The following CRISPLD1 variants were observed in gnomAD, a reference collection of about 807,000 sequenced individuals.
CRISPLD1 encodes the protein cysteine rich secretory protein LCCL domain containing 1, also known as cysteine-rich secretory protein LCCL domain-containing 1.
CRISPLD1 carries 60 observed loss-of-function variants against 77.5 expected under a neutral mutation model. That is an observed-to-expected ratio of 0.77 (90% CI 0.63 to 0.96). CRISPLD1 has a LOEUF of 0.96. Ranked by LOEUF, CRISPLD1 falls within the 40% of genes least tolerant of loss-of-function variation. CRISPLD1 has a pLI of 0.00. For synonymous variants in CRISPLD1, 195 were observed against 200.1 expected (o/e 0.97, Z 0.22); for missense variants, 623 against 615.8 (o/e 1.01, Z -0.12).
chr8:75,014,988 A>G (rs1035034398), intron 6 of CRISPLD1, 76 bp downstream of exon 6: 9 of 915,398 alleles, frequency 9.8e-6, no homozygotes, highest in Non-Finnish European at 1.4e-5. Context: ...TGTTTAAAAA[A>G]GCCAGAAGTG....
chr8:75,012,611 T>G, intron 3 of CRISPLD1, 60 bp downstream of exon 3: 1 of 1,144,788 alleles, frequency 8.7e-7, no homozygotes, highest in Non-Finnish European at 1.3e-6. Flanking sequence ...GAAGTCCTTA[T>G]TAATTCATCA....
At chr8:75,013,539 G>T (rs933512488) in intron 4 of CRISPLD1, among the ~76,000 whole-genome samples, 7 of 152,088 alleles carry the variant, frequency 4.6e-5, no homozygotes. Flanking sequence ...CATGTGATAA[G>T]ATTGACCAGC....
At chr8:75,019,768 A>C in intron 10 of CRISPLD1, 102 bp from the exon 11 acceptor site, 1 of 875,420 alleles carries the variant, frequency 1.1e-6, no homozygotes, top group East Asian at 2.5e-5. Context: ...GTAAGTGTTT[A>C]AAAAGAAAAT....
chr8:75,012,815 A>C, intron 3 of CRISPLD1, 75 bp from the exon 4 acceptor site: 1 of 1,492,408 alleles, frequency 6.7e-7, no homozygotes, highest in South Asian at 1.3e-5. Flanking sequence ...AAATTATACC[A>C]ATGTATTTTG....
intron 2 of CRISPLD1, among the ~76,000 whole-genome samples, chr8:74,990,823 A>T (rs1321708892): frequency 6.6e-6 from 1 of 151,688 alleles, no homozygotes; most frequent in Non-Finnish European, 1.5e-5. Flanking sequence ...TTTTTACCAT[A>T]CATTTCCATA....
At chr8:74,996,572 G>A (rs183743573) in intron 2 of CRISPLD1, among the ~76,000 whole-genome samples, 1 of 152,044 alleles carries the variant, frequency 6.6e-6, no homozygotes, top group East Asian at 1.9e-4. Context: ...ATTCTAGGCA[G>A]GAGAAATACT....
intron 2 of CRISPLD1, among the ~76,000 whole-genome samples, chr8:74,997,721 G>A (rs1812667507): frequency 6.6e-6 from 1 of 152,112 alleles, no homozygotes; most frequent in Non-Finnish European, 1.5e-5. Context: ...GGAAAGGATA[G>A]GATAGGCTGG....
chr8:75,025,268 A>G (rs1813211471), intron 12 of CRISPLD1, among the ~76,000 whole-genome samples: 2 of 152,174 alleles, frequency 1.3e-5, no homozygotes, highest in Admixed American at 1.3e-4. Flanking sequence ...TCTCAGATAC[A>G]TTGAGATGCT....
intron 14 of CRISPLD1, among the ~76,000 whole-genome samples, chr8:75,030,194 A>G (rs1001157890): frequency 1.3e-5 from 2 of 152,176 alleles, no homozygotes; most frequent in African/African-American, 4.8e-5. Flanking sequence ...TAACTTTTAG[A>G]TATTTCCTGG....
chr8:75,017,354 G>A lies in CRISPLD1; in HGVS notation c.1031G>A (p.Gly344Asp). 1 of 1,610,996 alleles carries A rather than the reference G, an allele frequency of 6.2e-7. No individual in the cohort carries two copies. Among genetic ancestry groups the A allele is most frequent in the South Asian group, 1.1e-5 (1 of 90,300 alleles). ...ATCTGTAGAGCTGCAATTCATTATG[G>A]TATAATAGACAATGATGGTGGCTGG... Reference protein sequence around the residue: ...SSICRAAIHYGIIDNDGGWVD... With the variant: ...SSICRAAIHYDIIDNDGGWVD... The change falls in exon 10 of 15, where the codon GGT (glycine) becomes GAT (aspartate). Residue 344 changes from glycine (G) to aspartate (D), a missense_variant. Coordinates refer to ENST00000262207, the MANE Select transcript of CRISPLD1 (RefSeq NM_031461.6).
chr8:74,993,094 G>A (rs549005678), intron 2 of CRISPLD1, among the ~76,000 whole-genome samples: 1 of 151,910 alleles, frequency 6.6e-6, no homozygotes, highest in Non-Finnish European at 1.5e-5. Context: ...TGCTATCAGC[G>A]GTATATGTCC....
At chr8:75,032,163 A>C in intron 14 of CRISPLD1, 28 bp from the exon 15 acceptor site, 1 of 1,498,496 alleles carries the variant, frequency 6.7e-7, no homozygotes, top group Non-Finnish European at 9.2e-7. Flanking sequence ...ACATCAATAT[A>C]CTTTTCATAT....
chr8:75,003,247 T>C (rs1315371308), intron 2 of CRISPLD1, among the ~76,000 whole-genome samples: 2 of 152,244 alleles, frequency 1.3e-5, no homozygotes, highest in Non-Finnish European at 1.5e-5. Flanking sequence ...ATGTTTCTTA[T>C]ATTAGTCATC....
At chr8:75,002,965 A>G (rs1812770837) in intron 2 of CRISPLD1, among the ~76,000 whole-genome samples, 1 of 152,246 alleles carries the variant, frequency 6.6e-6, no homozygotes, top group Admixed American at 6.5e-5. Context: ...GAGGAAAATA[A>G]TGCTATAGTC....
At chr8:75,025,731 T>A (rs190077791) in intron 13 of CRISPLD1, 110 bp downstream of exon 13, 287 of 416,864 alleles carry the variant, frequency 6.9e-4, no homozygotes, top group African/African-American at 4.8e-3. Context: ...AAACAGACTT[T>A]GTTAATGTGT....
Position 75,016,695 on chromosome 8 carries a change from A to G in CRISPLD1, c.858A>G (p.Ala286=). 6.2e-7 allele frequency: 1 copy of G among 1,612,270 alleles called. No homozygotes were observed. The highest frequency in any genetic ancestry group is 1.3e-5 in the African/African-American group (1 of 74,958). ...DDSSRNEVIS[A]QQMSQIVSCE... is the part of the protein sequence containing the mutation. The stretch of plus-strand genomic sequence containing the variant: ...GTAGCAGAAATGAAGTCATAAGCGC[A>G]CAGCAAATGTGTAAGACCTCCATAT... Residue 286 remains alanine (A), a synonymous_variant, in exon 7 of 15, where the codon GCA becomes GCG. Transcript: ENST00000262207.
chr8:75,010,848 T>C lies in CRISPLD1; in HGVS notation c.259-1585T>C, dbSNP rs540109465. On this transcript the variant is annotated intron_variant, in intron 2 of 14. Transcript: ENST00000262207. ...CCGAATAAATTTATCTCTGGGTGAA[T>C]AACTTCAAGATTCATATCCTCAGAG... Among the ~76,000 whole-genome samples the C allele has an allele frequency of 9.5e-4, 145 of 152,198 alleles. 2 individuals carry two copies. Among genetic ancestry groups the C allele is most frequent in the African/African-American group, 3.0e-3 (126 of 41,566 alleles).
At chr8:75,006,558 A>G (rs1310348015) in intron 2 of CRISPLD1, among the ~76,000 whole-genome samples, 1 of 152,032 alleles carries the variant, frequency 6.6e-6, no homozygotes, top group Non-Finnish European at 1.5e-5. Flanking sequence ...TTGCAATCCT[A>G]TTTCTTTATA....
At chr8:75,004,657 T>C (rs751312602) in intron 2 of CRISPLD1, among the ~76,000 whole-genome samples, 42 of 152,066 alleles carry the variant, frequency 2.8e-4, no homozygotes, top group Non-Finnish European at 4.6e-4. Context: ...ACAAAAGATT[T>C]GGGGAGGGAT....
Sources: gnomAD v4.1 joint callset for allele counts (sites outside exome capture counted in the v4.1 genomes callset) on GRCh38, gnomAD v4.1.1 for gene constraint, MANE v1.5 for transcripts, NCBI Gene and HGNC (gene_info 2026-07-23, HGNC 2026-07-21) for gene names.